Variants in WDFY4 observed in about 807,000 individuals in gnomAD.
WDFY4 encodes the protein WD repeat- and FYVE domain-containing protein 4.
Under a neutral mutation model 351.9 loss-of-function variants are expected in WDFY4, and 169 were observed. The ratio of observed to expected loss-of-function variants is 0.48; its 90% CI spans 0.42 to 0.55. The LOEUF is 0.55. WDFY4 is among the 20% of genes least tolerant of loss of function. The probability of loss-of-function intolerance (pLI) is 0.00; values close to 1 mark genes in which losing one functional copy is unlikely to be tolerated. For synonymous variants in WDFY4, 1,622 were observed against 1,574.6 expected, an observed-to-expected ratio of 1.03 and a Z score of -0.71; for missense variants, 3,803 against 3,935.6, an observed-to-expected ratio of 0.97 and a Z score of 0.90.
In WDFY4 at chr10:48,894,405, A is replaced by G. The variant is rs144745929; in HGVS notation, c.7317-3049A>G. Among the ~76,000 whole-genome samples the G allele has an allele frequency of 3.3e-5, 5 of 152,320 alleles. No individual in the cohort carries two copies. The East Asian group carries it at 7.7e-4, about 24-fold the overall frequency. ...ACTATTGAAAGAGCATGGGTGTTAGAGTTGGAGGACCTGGGTTTGAAACCA... is the reference window on the plus strand; with the variant it reads ...ACTATTGAAAGAGCATGGGTGTTAGGGTTGGAGGACCTGGGTTTGAAACCA... On this transcript the variant is annotated intron_variant, in intron 44 of 61. Transcript: ENST00000325239.
At chr10:48,860,463 G>A (rs2069297030) in intron 39 of WDFY4, among the ~76,000 whole-genome samples, 1 of 152,126 alleles carries the variant, frequency 6.6e-6, no homozygotes, top group Admixed American at 6.6e-5. Flanking sequence ...GAAAGCTCTG[G>A]TGTCTTTTCC....
intron 13 of WDFY4, among the ~76,000 whole-genome samples, chr10:48,764,623 A>T (rs2065611449): frequency 6.6e-6 from 1 of 152,210 alleles, no homozygotes; most frequent in South Asian, 2.1e-4. Flanking sequence ...TCAGGTCTTA[A>T]CTGAGGGTGT....
At chr10:48,744,726 T>G (rs2064958709) in intron 12 of WDFY4, among the ~76,000 whole-genome samples, 1 of 152,258 alleles carries the variant, frequency 6.6e-6, no homozygotes, top group Non-Finnish European at 1.5e-5. Context: ...TGTTTTCTTG[T>G]GAGAAAATTT....
chr10:48,721,691 G>T (rs1362288543), intron 4 of WDFY4, among the ~76,000 whole-genome samples: 1 of 152,108 alleles, frequency 6.6e-6, no homozygotes, highest in Non-Finnish European at 1.5e-5. Context: ...GATGTTTATT[G>T]ACTACTTCCT....
In WDFY4 at chr10:48,947,438, C is replaced by T. The variant is rs909821064; in HGVS notation, c.7977+469C>T. Among the ~76,000 whole-genome samples the T allele has an allele frequency of 5.3e-5, 8 of 152,170 alleles. No individual in the cohort carries two copies. In the East Asian group the frequency reaches 9.6e-4, roughly 18 times the overall value. ...GACAAAACCAACTTACCCACCCATA[C>T]GCTAACAGACCATTATACCAGCTTA... On this transcript the variant is annotated intron_variant, in intron 51 of 61. Coordinates refer to ENST00000325239, the MANE Select transcript of WDFY4 (RefSeq NM_001394531.1).
intron 51 of WDFY4, among the ~76,000 whole-genome samples, chr10:48,955,501 T>G (rs1841543328): frequency 6.6e-6 from 1 of 152,208 alleles, no homozygotes; most frequent in Non-Finnish European, 1.5e-5. Flanking sequence ...TGGCTTCAGT[T>G]TGTCCCAGGT....
rs562209777 is a variant in WDFY4, at chr10:48,814,049, C to T, written c.5307C>T (p.Leu1769=). The T allele has an allele frequency of 1.9e-6, 3 of 1,549,982 alleles. No individual in the cohort carries two copies. Among genetic ancestry groups the T allele is most frequent in the Admixed American group, 2.0e-5 (1 of 50,916 alleles). ...GGCTGTGCACAGAAGGTGCCTTGCT[C>T]CTCCTGGAAATGCTGAAGGCCACCA... is the stretch of plus-strand genomic sequence containing the variant. ...QAGLCTEGAL[L]LLEMLKATMS... Residue 1769 remains leucine (L), a synonymous_variant, in exon 31 of 62, where the codon CTC becomes CTT. Transcript: ENST00000325239.
intron 47 of WDFY4, among the ~76,000 whole-genome samples, chr10:48,922,576 C>T (rs1053858450): frequency 1.3e-5 from 2 of 152,104 alleles, no homozygotes; most frequent in Admixed American, 1.3e-4. Context: ...GTGCCTAACT[C>T]GTAAATTAAA....
At chr10:48,917,277 A>G (rs1838637298) in intron 47 of WDFY4, among the ~76,000 whole-genome samples, 1 of 152,234 alleles carries the variant, frequency 6.6e-6, no homozygotes, top group African/African-American at 2.4e-5. Context: ...GCTGATACCT[A>G]TACTTACACC....
intron 39 of WDFY4, among the ~76,000 whole-genome samples, chr10:48,852,326 C>T (rs537549090): frequency 6.6e-6 from 1 of 152,294 alleles, no homozygotes; most frequent in Admixed American, 6.5e-5. Context: ...CTCACTTGGC[C>T]TCGATATCTT....
intron 9 of WDFY4, among the ~76,000 whole-genome samples, chr10:48,732,931 T>A (rs1394443316): frequency 6.6e-6 from 1 of 152,224 alleles, no homozygotes; most frequent in Non-Finnish European, 1.5e-5. Context: ...GGTTTTTGTG[T>A]CTGGGCCTCT....
intron 25 of WDFY4, 94 bp downstream of exon 25, chr10:48,803,453 C>T (rs1004787933): frequency 8.1e-7 from 1 of 1,238,080 alleles, no homozygotes; most frequent in African/African-American, 1.5e-5. Flanking sequence ...TTCCCTGCTC[C>T]CAGAACACTG....
chr10:48,960,385 G>T (rs947115969), intron 53 of WDFY4, among the ~76,000 whole-genome samples: 1 of 152,164 alleles, frequency 6.6e-6, no homozygotes, highest in Admixed American at 6.5e-5. Context: ...CATACCCACC[G>T]GAGTGGCTTA....
chr10:48,933,416 G>T (rs573146844), intron 47 of WDFY4, among the ~76,000 whole-genome samples: 1 of 152,210 alleles, frequency 6.6e-6, no homozygotes, highest in African/African-American at 2.4e-5. Context: ...GGACTTAGCT[G>T]CCATCTGGCT....
At chr10:48,859,904 C>G (rs1202161778) in intron 39 of WDFY4, among the ~76,000 whole-genome samples, 1 of 152,202 alleles carries the variant, frequency 6.6e-6, no homozygotes, top group African/African-American at 2.4e-5. Flanking sequence ...TGCCAATGAT[C>G]TATCGTATTG....
chr10:48,919,881 A>G (rs1268329191), intron 47 of WDFY4, among the ~76,000 whole-genome samples: 1 of 152,176 alleles, frequency 6.6e-6, no homozygotes, highest in East Asian at 1.9e-4. Context: ...AAAAAATAGA[A>G]TAGAGAGTGA....
At chr10:48,897,423 C>T (rs1238115673) in intron 44 of WDFY4, 31 bp from the exon 45 acceptor site, 1 of 1,546,858 alleles carries the variant, frequency 6.5e-7, no homozygotes, top group Admixed American at 2.0e-5. Context: ...GATGTCTGAA[C>T]ATGTGCCCTG....
chr10:48,744,002 A>G (rs1032167590), intron 12 of WDFY4, among the ~76,000 whole-genome samples: 1 of 151,968 alleles, frequency 6.6e-6, no homozygotes, highest in Non-Finnish European at 1.5e-5. Context: ...CAATTATGGA[A>G]CTCTTTCTGT....
At chr10:48,791,458 C>T (rs1256710824) in intron 23 of WDFY4, among the ~76,000 whole-genome samples, 2 of 152,204 alleles carry the variant, frequency 1.3e-5, no homozygotes, top group African/African-American at 2.4e-5. Flanking sequence ...TCTCTTTGTG[C>T]GTCAGTTCCC....
Sources: gnomAD v4.1 joint callset for allele counts (sites outside exome capture counted in the v4.1 genomes callset) on GRCh38, gnomAD v4.1.1 for gene constraint, MANE v1.5 for transcripts, NCBI Gene and HGNC (gene_info 2026-07-23, HGNC 2026-07-21) for gene names.